The following GPC5 variants were observed in gnomAD, a reference collection of about 807,000 sequenced individuals.
GPC5 encodes the protein glypican-5.
Under a neutral mutation model 53.9 loss-of-function variants are expected in GPC5, and 47 were observed. That is an observed-to-expected ratio of 0.87 (90% CI 0.69 to 1.11). The LOEUF (loss-of-function observed/expected upper bound fraction) is 1.11, where lower values mean the gene tolerates loss of function less well. Ranked by LOEUF, GPC5 falls within the 50% of genes most tolerant of loss-of-function variation. The pLI is 0.00. For missense variants in GPC5, 748 were observed against 713.1 expected (o/e 1.05, Z -0.56); for synonymous variants, 286 against 263.3 (o/e 1.09, Z -0.84).
At chr13:91,801,231 A>G (rs1248275380) in intron 5 of GPC5, among the ~76,000 whole-genome samples, 1 of 148,714 alleles carries the variant, frequency 6.7e-6, no homozygotes, top group Non-Finnish European at 1.5e-5. Context: ...GAGCAGAACT[A>G]ACTCCCTGTG....
intron 6 of GPC5, among the ~76,000 whole-genome samples, chr13:92,024,424 C>G (rs2040784571): frequency 6.6e-6 from 1 of 152,146 alleles, no homozygotes; most frequent in Non-Finnish European, 1.5e-5. Context: ...CTCCCTCCAT[C>G]TCTTAACACA....
intron 1 of GPC5, among the ~76,000 whole-genome samples, chr13:91,430,754 G>A (rs1879388268): frequency 6.6e-6 from 1 of 152,108 alleles, no homozygotes; most frequent in African/African-American, 2.4e-5. Context: ...GCCAATTTGG[G>A]TTAGATTTTT....
chr13:91,499,184 A>G (rs1339925688), intron 2 of GPC5, among the ~76,000 whole-genome samples: 1 of 152,134 alleles, frequency 6.6e-6, no homozygotes, highest in South Asian at 2.1e-4. Context: ...TTTCCACCTC[A>G]GGTAACAGGA....
At chr13:92,311,766 A>C (rs2043146601) in intron 7 of GPC5, among the ~76,000 whole-genome samples, 1 of 152,188 alleles carries the variant, frequency 6.6e-6, no homozygotes, top group African/African-American at 2.4e-5. Flanking sequence ...ATCCCATGAC[A>C]TGTGGGAATT....
intron 7 of GPC5, among the ~76,000 whole-genome samples, chr13:92,644,801 G>T (rs545791383): frequency 6.6e-6 from 1 of 152,092 alleles, no homozygotes; most frequent in Admixed American, 6.5e-5. Context: ...CAATTAACAT[G>T]GTGGAGAATT....
At chr13:92,035,755 T>TAAAAAA (rs67401983) in intron 6 of GPC5, among the ~76,000 whole-genome samples, 12 of 129,460 alleles carry the variant, frequency 9.3e-5, no homozygotes, top group African/African-American at 2.6e-4. Flanking sequence ...GAGGAAATGT[T>TAAAAAA]AAAAAAAAAA....
At chr13:92,521,221 G>A (rs368138537) in intron 7 of GPC5, among the ~76,000 whole-genome samples, 68 of 152,020 alleles carry the variant, frequency 4.5e-4, no homozygotes, top group Non-Finnish European at 7.5e-4. Flanking sequence ...TTACAGAGTC[G>A]ATGCCATCCC....
chr13:92,424,094 T>C (rs1230150326), intron 7 of GPC5, among the ~76,000 whole-genome samples: 1 of 152,126 alleles, frequency 6.6e-6, no homozygotes, highest in East Asian at 1.9e-4. Flanking sequence ...TTGAGAAATG[T>C]ATGAATGTTT....
intron 7 of GPC5, among the ~76,000 whole-genome samples, chr13:92,695,478 A>G (rs754738317): frequency 2.0e-5 from 3 of 152,112 alleles, no homozygotes; most frequent in Admixed American, 6.6e-5. Flanking sequence ...CCAAAAGGTA[A>G]TAGATTGTAT....
intron 7 of GPC5, among the ~76,000 whole-genome samples, chr13:92,390,280 T>C (rs1030584295): frequency 2.0e-5 from 3 of 152,146 alleles, no homozygotes; most frequent in African/African-American, 7.2e-5. Context: ...AAGTGAGTTA[T>C]ATGAGCCAGT....
intron 7 of GPC5, among the ~76,000 whole-genome samples, chr13:92,322,349 A>G (rs953376995): frequency 6.8e-6 from 1 of 147,860 alleles, no homozygotes; most frequent in Non-Finnish European, 1.5e-5. Flanking sequence ...AAAGAAAAAA[A>G]AATAAAGGCA....
intron 5 of GPC5, among the ~76,000 whole-genome samples, chr13:91,850,505 A>C (rs2038900549): frequency 6.6e-6 from 1 of 152,172 alleles, no homozygotes; most frequent in Non-Finnish European, 1.5e-5. Context: ...AATAAAAGAC[A>C]TGTTTCCTAT....
intron 7 of GPC5, among the ~76,000 whole-genome samples, chr13:92,422,986 C>G (rs953133691): frequency 4.6e-5 from 7 of 152,184 alleles, no homozygotes; most frequent in Admixed American, 4.6e-4. Context: ...TTATAAACAA[C>G]AGCAATTTAT....
intron 7 of GPC5, among the ~76,000 whole-genome samples, chr13:92,208,929 T>C (rs1273229808): frequency 6.6e-6 from 1 of 152,220 alleles, no homozygotes; most frequent in African/African-American, 2.4e-5. Context: ...TCACAGAGGA[T>C]ATTTACCAAA....
chr13:92,821,355 C>T (rs1157248275), intron 7 of GPC5, among the ~76,000 whole-genome samples: 2 of 152,144 alleles, frequency 1.3e-5, no homozygotes, highest in Non-Finnish European at 2.9e-5. Context: ...GCATGCATTT[C>T]CTCTTAAGAA....
intron 5 of GPC5, among the ~76,000 whole-genome samples, chr13:91,784,708 G>A (rs372297889): frequency 1.6e-5 from 2 of 127,524 alleles, no homozygotes; most frequent in South Asian, 2.6e-4. Context: ...TGGGCAACAA[G>A]AGCGAAACTC....
intron 7 of GPC5, among the ~76,000 whole-genome samples, chr13:92,492,502 TA>T (rs965090143): frequency 2.6e-4 from 39 of 151,038 alleles, no homozygotes; most frequent in African/African-American, 8.8e-4. Context: ...TAAAAATATA[TA>T]AAAAAAGAGA....
chr13:92,381,921 C>CATATATCATATATATGATATATATA (rs2043750033), intron 7 of GPC5, among the ~76,000 whole-genome samples: 2 of 124,864 alleles, frequency 1.6e-5, no homozygotes, highest in Non-Finnish European at 3.4e-5. Context: ...TATATATAAT[C>CATATATCATATATATGATATATATA]ATATATATGA....
chr13:92,391,249 A>T (rs1874988681), intron 7 of GPC5, among the ~76,000 whole-genome samples: 1 of 152,258 alleles, frequency 6.6e-6, no homozygotes, highest in South Asian at 2.1e-4. Context: ...CACTTTTGCA[A>T]CTATAAATAC....
Sources: gnomAD v4.1 joint callset for allele counts (sites outside exome capture counted in the v4.1 genomes callset) on GRCh38, gnomAD v4.1.1 for gene constraint, MANE v1.5 for transcripts, NCBI Gene and HGNC (gene_info 2026-07-23, HGNC 2026-07-21) for gene names.